Variants in SEMA5A observed in about 807,000 individuals in gnomAD.
The protein encoded by SEMA5A is semaphorin 5A, also known as semaphorin-5A.
A neutral mutation model predicts 135.5 loss-of-function variants in SEMA5A; 55 were observed. That is an observed-to-expected ratio of 0.41 (90% confidence interval 0.33 to 0.51). The LOEUF is 0.51. Ranked by LOEUF, SEMA5A falls within the 20% of genes least tolerant of loss-of-function variation. The probability of loss-of-function intolerance (pLI) is 0.37; values close to 1 mark genes in which losing one functional copy is unlikely to be tolerated. For missense variants in SEMA5A, 1,290 were observed against 1,419.9 expected (o/e 0.91, Z 1.47); for synonymous variants, 580 against 546.5 (o/e 1.06, Z -0.85).
intron 13 of SEMA5A, among the ~76,000 whole-genome samples, chr5:9,123,480 A>G (rs919857112): frequency 6.6e-6 from 1 of 151,346 alleles, no homozygotes; most frequent in African/African-American, 2.4e-5. Context: ...GAGAAGGAGA[A>G]GAATGATGGG....
At chr5:9,267,701 T>C (rs1749755336) in intron 5 of SEMA5A, among the ~76,000 whole-genome samples, 1 of 152,100 alleles carries the variant, frequency 6.6e-6, no homozygotes, top group Non-Finnish European at 1.5e-5. Flanking sequence ...AAGTATAGAA[T>C]TCAACTAAAA....
chr5:9,460,884 T>G (rs1759030244), intron 1 of SEMA5A, among the ~76,000 whole-genome samples: 1 of 152,236 alleles, frequency 6.6e-6, no homozygotes, highest in Non-Finnish European at 1.5e-5. Context: ...ATTTATTACC[T>G]TAAGACTTAA....
At chr5:9,164,155 T>G (rs924553056) in intron 11 of SEMA5A, among the ~76,000 whole-genome samples, 18 of 127,860 alleles carry the variant, frequency 1.4e-4, no homozygotes, top group Non-Finnish European at 2.5e-4. Context: ...TATAAATATA[T>G]CATATAAATA....
chr5:9,289,169 C>T (rs565408908), intron 5 of SEMA5A, among the ~76,000 whole-genome samples: 4 of 152,130 alleles, frequency 2.6e-5, no homozygotes, highest in Non-Finnish European at 5.9e-5. Flanking sequence ...TAAACACATA[C>T]AGCTGTGCAT....
At chr5:9,210,074 G>A (rs1746259605) in intron 8 of SEMA5A, among the ~76,000 whole-genome samples, 1 of 152,092 alleles carries the variant, frequency 6.6e-6, no homozygotes, top group South Asian at 2.1e-4. Flanking sequence ...TTCTTGTAGT[G>A]GATTTATTCT....
intron 11 of SEMA5A, among the ~76,000 whole-genome samples, chr5:9,179,991 T>A (rs1478830291): frequency 2.0e-5 from 3 of 152,196 alleles, no homozygotes; most frequent in Admixed American, 2.0e-4. Flanking sequence ...CTGGGTGGAA[T>A]TCTTGTCTCG....
chr5:9,446,089 T>C (rs749497113), intron 1 of SEMA5A, among the ~76,000 whole-genome samples: 12 of 152,206 alleles, frequency 7.9e-5, no homozygotes, highest in Non-Finnish European at 1.8e-4. Flanking sequence ...ATTTTGTTTC[T>C]CAAAGCATTG....
chr5:9,037,306 T>A lies in SEMA5A; in HGVS notation c.*5591A>T, dbSNP rs910800014. 1 of 152,218 alleles carries A rather than the reference T, an allele frequency of 6.6e-6. No individual in the cohort carries two copies. The highest frequency in any genetic ancestry group is 2.4e-5 in the African/African-American group (1 of 41,454). The allele number at this position is 152,218 out of a possible 1,614,324, so 9.4% of individuals were successfully genotyped here. On this transcript the variant is annotated 3_prime_UTR_variant, in exon 23 of 23. Coordinates refer to ENST00000382496, the MANE Select transcript of SEMA5A (RefSeq NM_003966.3). ...CTTGATTGCCTTTCTATGGCAGATA[T>A]GAGCTAATATGATCCATCAAAAAGG... is the stretch of plus-strand genomic sequence containing the variant.
At chr5:9,459,298 T>C (rs1306210469) in intron 1 of SEMA5A, among the ~76,000 whole-genome samples, 1 of 152,182 alleles carries the variant, frequency 6.6e-6, no homozygotes, top group Non-Finnish European at 1.5e-5. Flanking sequence ...TTTCTACAAA[T>C]AGAACACAGC....
intron 3 of SEMA5A, among the ~76,000 whole-genome samples, chr5:9,369,446 T>A (rs1353368339): frequency 1.3e-5 from 2 of 152,254 alleles, no homozygotes; most frequent in South Asian, 2.1e-4. Flanking sequence ...ATTTCTTATA[T>A]GTTTTCTTCC....
chr5:9,154,548 C>A lies in SEMA5A; in HGVS notation c.1421G>T (p.Gly474Val), dbSNP rs1198643289. ...ILHSQSVLFV[G>V]LREHVVKIPL... ...GATCTTGACCACGTGCTCCCGCAGG[C>A]CCACGAACAGGACACTCTGGCTGTG... The change falls in exon 12 of 23, where the codon GGC (glycine) becomes GTC (valine). Residue 474 changes from glycine (G) to valine (V), a missense_variant. Around this residue, in one of 3 missense-constraint regions of SEMA5A, gnomAD observed 1,029 missense variants for 1,086.6 expected, o/e 0.95. Transcript: ENST00000382496. 1.2e-6 allele frequency: 2 copies of A among 1,612,898 alleles called. No homozygotes were observed. Among genetic ancestry groups the A allele is most frequent in the Non-Finnish European group, 1.7e-6 (2 of 1,179,886 alleles).
At chr5:9,090,766 A>G (rs1738987658) in intron 16 of SEMA5A, among the ~76,000 whole-genome samples, 1 of 152,202 alleles carries the variant, frequency 6.6e-6, no homozygotes, top group Non-Finnish European at 1.5e-5. Context: ...ATTTTCCAAG[A>G]GTCTCCATTC....
At chr5:9,078,753 A>G (rs1738208970) in intron 16 of SEMA5A, among the ~76,000 whole-genome samples, 1 of 152,192 alleles carries the variant, frequency 6.6e-6, no homozygotes, top group African/African-American at 2.4e-5. Flanking sequence ...GCAAGAAAAT[A>G]TAAAATAAAA....
At chr5:9,113,700 T>G (rs528032300) in intron 15 of SEMA5A, among the ~76,000 whole-genome samples, 2 of 152,204 alleles carry the variant, frequency 1.3e-5, no homozygotes, top group Non-Finnish European at 2.9e-5. Flanking sequence ...CATGAGAAGA[T>G]GCTCAACAAT....
At chr5:9,154,078 T>A (rs1479963415) in intron 12 of SEMA5A, among the ~76,000 whole-genome samples, 1 of 77,474 alleles carries the variant, frequency 1.3e-5, no homozygotes, top group South Asian at 4.4e-4. Flanking sequence ...TATATATATA[T>A]ATATATATAT....
chr5:9,220,439 T>C (rs1357012341), intron 8 of SEMA5A, among the ~76,000 whole-genome samples: 4 of 151,100 alleles, frequency 2.6e-5, no homozygotes, highest in Non-Finnish European at 4.4e-5. Flanking sequence ...CCAGAAATTA[T>C]TGAAATAGAA....
At chr5:9,375,833 T>G (rs935870717) in intron 3 of SEMA5A, among the ~76,000 whole-genome samples, 1 of 151,562 alleles carries the variant, frequency 6.6e-6, no homozygotes, top group African/African-American at 2.4e-5. Flanking sequence ...ATATCCCCAT[T>G]CTTGGTTCTC....
At position 9,373,644 on chromosome 5, in the gene SEMA5A, T is replaced by C. The variant is rs972932856; in HGVS notation, c.124+6179A>G. ...GTTAAAGATAAAGATCGCTGGGACC[T>C]GGGAATGGAAATCAATAGGGCCCTG... On this transcript the variant is annotated intron_variant, in intron 3 of 22. Coordinates refer to ENST00000382496, the MANE Select transcript of SEMA5A (RefSeq NM_003966.3). 5.3e-5 allele frequency among the ~76,000 whole-genome samples: 8 copies of C among 152,290 alleles called. No individual in the cohort carries two copies. The Middle Eastern group carries it at 0.01, about 194-fold the overall frequency.
intron 3 of SEMA5A, among the ~76,000 whole-genome samples, chr5:9,362,823 T>C (rs1048293675): frequency 6.6e-6 from 1 of 152,160 alleles, no homozygotes; most frequent in African/African-American, 2.4e-5. Context: ...GCAGAAACTC[T>C]TTAGTCTTCA....
Sources: allele counts gnomAD v4.1 joint callset (sites outside exome capture counted in the v4.1 genomes callset), GRCh38; gene constraint gnomAD v4.1.1; regional missense constraint gnomAD v4.1.1; transcripts MANE v1.5; gene names NCBI Gene and HGNC (gene_info 2026-07-23, HGNC 2026-07-21).